Variants in RANGAP1 observed in about 807,000 individuals in gnomAD.
RANGAP1 encodes ran GTPase-activating protein 1.
A neutral mutation model predicts 63.5 loss-of-function variants in RANGAP1; 38 were observed. That is an observed-to-expected ratio of 0.60 (90% CI 0.46 to 0.78). RANGAP1 has a LOEUF of 0.78. Ranked by LOEUF, RANGAP1 falls within the 30% of genes least tolerant of loss-of-function variation. The pLI is 0.00. For missense variants in RANGAP1, 630 were observed against 740.3 expected, an observed-to-expected ratio of 0.85 and a Z score of 1.73; for synonymous variants, 329 against 310.5, an observed-to-expected ratio of 1.06 and a Z score of -0.63.
At chr22:41,270,131 G>C (rs1044875905) in intron 3 of RANGAP1, among the ~76,000 whole-genome samples, 4 of 149,086 alleles carry the variant, frequency 2.7e-5, no homozygotes, top group Non-Finnish European at 5.9e-5. Flanking sequence ...CACCGTGCCC[G>C]GCCTATTTTA....
chr22:41,282,125 A>G (rs1439381769), intron 1 of RANGAP1: 3 of 152,144 alleles, frequency 2.0e-5, no homozygotes, highest in East Asian at 3.9e-4. Flanking sequence ...CCCTGTCTCA[A>G]AAAAATAAAA....
intron 11 of RANGAP1, 87 bp downstream of exon 11, chr22:41,254,221 G>T: frequency 6.8e-7 from 1 of 1,466,270 alleles, no homozygotes; most frequent in Non-Finnish European, 9.4e-7. Flanking sequence ...TGCTTAAGGA[G>T]ACACCCCCTA....
upstream of RANGAP1, among the ~76,000 whole-genome samples, chr22:41,289,559 G>T (rs906281771): frequency 2.6e-5 from 4 of 152,026 alleles, no homozygotes; most frequent in African/African-American, 9.7e-5. Flanking sequence ...AGAGGCGGAG[G>T]TTGCAGTGAG....
intron 6 of RANGAP1, 52 bp downstream of exon 6, chr22:41,261,394 A>G (rs2145741719): frequency 9.9e-6 from 16 of 1,610,798 alleles, no homozygotes; most frequent in Non-Finnish European, 1.3e-5. Context: ...TCAGCCTACT[A>G]TGCCGAGTGC....
the RANGAP1 span, among the ~76,000 whole-genome samples, chr22:41,293,398 G>A: frequency 6.6e-6 from 1 of 151,988 alleles, no homozygotes; most frequent in African/African-American, 2.4e-5. Flanking sequence ...GGCAACGGAG[G>A]GAGAACCTGT....
Position 41,249,721 on chromosome 22 carries a change from G to A in RANGAP1, c.1572+8C>T, listed in dbSNP as rs768866307. On this transcript the variant is annotated splice_region_variant and intron_variant, in intron 14 of 15. Transcript: ENST00000356244. ...CCCTCCCGGGCCTGCTGTTCCTTCC[G>A]GCCTCACCTTGAGCAGACCCATGTG... 8.1e-6 allele frequency: 13 copies of A among 1,610,238 alleles called. No individual in the cohort carries two copies. Among genetic ancestry groups the A allele is most frequent in the African/African-American group, 4.0e-5 (3 of 74,844 alleles).
chr22:41,253,769 A>G (rs1273220714), intron 11 of RANGAP1, among the ~76,000 whole-genome samples: 1 of 152,254 alleles, frequency 6.6e-6, no homozygotes, highest in Non-Finnish European at 1.5e-5. Flanking sequence ...ATGCAGCAGC[A>G]CTGCTACCTG....
the RANGAP1 span, among the ~76,000 whole-genome samples, chr22:41,291,657 G>C: frequency 6.7e-6 from 1 of 149,610 alleles, no homozygotes; most frequent in Non-Finnish European, 1.5e-5. Flanking sequence ...CCAGCACTTT[G>C]GGGGGCCGAG....
the RANGAP1 span, among the ~76,000 whole-genome samples, chr22:41,296,709 G>C: frequency 6.6e-6 from 1 of 151,442 alleles, no homozygotes; most frequent in Non-Finnish European, 1.5e-5. Context: ...CTCAGTCCTT[G>C]CAGTGACCCT....
chr22:41,256,087 T>C lies in RANGAP1; in HGVS notation c.1007A>G (p.Glu336Gly). 1 of 1,614,088 alleles carries C rather than the reference T, an allele frequency of 6.2e-7. No individual in the cohort carries two copies. The highest frequency in any genetic ancestry group is 1.1e-5 in the South Asian group (1 of 91,088). ...LDLNGNTLGE[E>G]GCEQLQEVLE... is the part of the protein sequence containing the mutation. The stretch of plus-strand genomic sequence containing the variant: ...CACCTCCTGAAGCTGTTCACAGCCT[T>C]CTTCTCCCAGGGTGTTGCCTGCTCA... Residue 336 changes from glutamate to glycine, a missense_variant, in exon 10 of 16, where the codon GAA (glutamate) becomes GGA (glycine). This residue lies in a region of RANGAP1 where 428 missense variants were observed against 465.5 expected (regional missense o/e 0.92). Coordinates refer to ENST00000356244, the MANE Select transcript of RANGAP1 (RefSeq NM_002883.4).
intron 1 of RANGAP1, chr22:41,285,578 C>A (rs1048124117): frequency 6.1e-6 from 6 of 985,354 alleles, no homozygotes; most frequent in Non-Finnish European, 7.2e-6. Flanking sequence ...AGCCCGGGGC[C>A]CCCGCGGGCG....
At position 41,256,099 on chromosome 22, in the gene RANGAP1, G is replaced by C. The variant is rs1210933346; in HGVS notation, c.995C>G (p.Thr332Ser). The change falls in exon 10 of 16, where the codon ACC (threonine) becomes AGC (serine). Residue 332 changes from threonine to serine, a missense_variant. Around this residue, in one of 3 missense-constraint regions of RANGAP1, gnomAD observed 428 missense variants for 465.5 expected, o/e 0.92. Transcript: ENST00000356244. ...CTGTTCACAGCCTTCTTCTCCCAGGGTGTTGCCTGCTCAAGGGGAGGGAAG... is the reference window on the plus strand; with the variant it reads ...CTGTTCACAGCCTTCTTCTCCCAGGCTGTTGCCTGCTCAAGGGGAGGGAAG... The part of the protein sequence containing the change: ...ELEKLDLNGN[T>S]LGEEGCEQLQ... 1.9e-6 allele frequency: 3 copies of C among 1,614,080 alleles called. No individual in the cohort carries two copies. In the East Asian group the frequency reaches 6.7e-5, roughly 36 times the overall value.
the RANGAP1 span, among the ~76,000 whole-genome samples, chr22:41,295,308 G>A: frequency 6.6e-6 from 1 of 151,756 alleles, no homozygotes; most frequent in Non-Finnish European, 1.5e-5. Flanking sequence ...CCGTGTCTGT[G>A]TAGAAAGAGG....
chr22:41,283,881 T>A (rs2035621854), intron 1 of RANGAP1, among the ~76,000 whole-genome samples: 1 of 140,474 alleles, frequency 7.1e-6, no homozygotes, highest in Non-Finnish European at 1.6e-5. Flanking sequence ...TTTGACAGGA[T>A]CACTCTACTT....
At chr22:41,266,884 T>G (rs976482111) in intron 4 of RANGAP1, among the ~76,000 whole-genome samples, 9 of 88,332 alleles carry the variant, frequency 1.0e-4, no homozygotes. Context: ...CTGAAATGAA[T>G]TTCCTTTTTT....
At position 41,285,424 on chromosome 22, in the gene RANGAP1, A is replaced by C. The variant is rs1204416103; in HGVS notation, c.-39+562T>G. 8.2e-6 allele frequency: 7 copies of C among 855,280 alleles called. No individual in the cohort carries two copies. In the Admixed American group the frequency reaches 3.1e-4, roughly 38 times the overall value. The allele number at this position is 855,280 out of a possible 1,614,324, so 53.0% of individuals were successfully genotyped here. A position where few individuals can be genotyped will look rare whatever the true frequency, so the allele number is the denominator to read the frequency against. ...TTGATTTGTCCAAGGTCAGCAAAGG[A>C]TCAGCGCCAGAGCAAAAGCAAAGGG... On this transcript the variant is annotated intron_variant, in intron 1 of 15. Transcript: ENST00000356244.
Position 41,249,241 on chromosome 22 carries a change from G to A in RANGAP1, c.1694+89C>T, listed in dbSNP as rs1269307613. The A allele has an allele frequency of 7.4e-6, 11 of 1,477,788 alleles. No homozygotes were observed. In the East Asian group the frequency reaches 2.6e-4, roughly 35 times the overall value. 91.5% of individuals were successfully genotyped at this position (1,477,788 alleles called of 1,614,324 possible). A position where few individuals can be genotyped will look rare whatever the true frequency, so the allele number is the denominator to read the frequency against. ...GGGGCCAGCAGGCTGGCTGGGCTGGGGCTGGGCCTCCCGGAACCGGGCGCC... is the reference window on the plus strand; with the variant it reads ...GGGGCCAGCAGGCTGGCTGGGCTGGAGCTGGGCCTCCCGGAACCGGGCGCC... On this transcript the variant is annotated intron_variant, in intron 15 of 15. Coordinates refer to ENST00000356244, the MANE Select transcript of RANGAP1 (RefSeq NM_002883.4).
chr22:41,281,535 C>A, intron 1 of RANGAP1: 2 of 989,282 alleles, frequency 2.0e-6, no homozygotes, highest in South Asian at 4.6e-5. Context: ...GGATCCAGAT[C>A]ATTCATCCCA....
rs2229752 is a variant in RANGAP1 at position 41,264,747 on chromosome 22, C to T, written c.397G>A (p.Glu133Lys). 8.4e-5 allele frequency: 136 copies of T among 1,613,962 alleles called. No homozygotes were observed. Among genetic ancestry groups the T allele is most frequent in the Non-Finnish European group, 1.1e-4 (132 of 1,179,940 alleles). ...CAGGCTGAGCTCTTGAGCAGGGCCT[C>T]GAAGCCTTGCACACCGTCGGGCCCG... ...AFGPDGVQGF[E>K]ALLKSSACFT... Residue 133 changes from glutamate to lysine, a missense_variant, in exon 5 of 16, where the codon GAG becomes AAG. Glu to Lys is a moderately conservative substitution (Grantham distance 56). This residue lies in a region of RANGAP1 where 137 missense variants were observed against 214.3 expected (regional missense o/e 0.64). Transcript: ENST00000356244.
Sources: allele counts gnomAD v4.1 joint callset (sites outside exome capture counted in the v4.1 genomes callset), GRCh38; gene constraint gnomAD v4.1.1; regional missense constraint gnomAD v4.1.1; transcripts MANE v1.5; gene names NCBI Gene and HGNC (gene_info 2026-07-23, HGNC 2026-07-21).